SERPINA12: variants seen among roughly 807,000 people sequenced by gnomAD.
SERPINA12 encodes serpin family A member 12, also known as serpin A12.
SERPINA12 carries 21 observed loss-of-function variants against 25.9 expected under a neutral mutation model. The ratio of observed to expected loss-of-function variants is 0.81; its 90% CI spans 0.58 to 1.17. The LOEUF (loss-of-function observed/expected upper bound fraction) is 1.17. SERPINA12 is among the 50% of genes most tolerant of loss of function. The probability of loss-of-function intolerance (pLI) is 0.00; values close to 1 mark genes in which losing one functional copy is unlikely to be tolerated. For missense variants in SERPINA12, 562 were observed against 508.3 expected (o/e 1.11, Z -1.02); for synonymous variants, 220 against 196.0 (o/e 1.12, Z -1.02).
At chr14:94,489,579 C>T (rs755708931) in intron 4 of SERPINA12, 41 bp downstream of exon 4, 2 of 1,603,992 alleles carry the variant, frequency 1.2e-6, no homozygotes, top group East Asian at 2.2e-5. Flanking sequence ...GGGGAAGGCC[C>T]CTGTGCTGCA....
chr14:94,492,005 C>A (rs1360179196), intron 3 of SERPINA12, among the ~76,000 whole-genome samples: 2 of 152,120 alleles, frequency 1.3e-5, no homozygotes, highest in Non-Finnish European at 2.9e-5. Flanking sequence ...ACACTCACCT[C>A]TGAGACCTGG....
chr14:94,502,590 C>G (rs1284024147), intron 1 of SERPINA12, among the ~76,000 whole-genome samples: 1 of 152,210 alleles, frequency 6.6e-6, no homozygotes, highest in African/African-American at 2.4e-5. Flanking sequence ...TTTGGAACCA[C>G]AGTTTTCTTT....
rs531564069 is a variant in SERPINA12, at chr14:94,501,889, C to G, written c.-33-3459G>C. ...GGGCTTTAAACTGACCCAAATTTGT[C>G]AGTTGGGTTAGATGCCTGAGTAGGC... On this transcript the variant is annotated intron_variant, in intron 1 of 4. Transcript: ENST00000677451. 2.6e-5 allele frequency among the ~76,000 whole-genome samples: 4 copies of G among 152,228 alleles called. No homozygotes were observed. The South Asian group carries it at 8.3e-4, about 32-fold the overall frequency.
Position 94,497,932 on chromosome 14 carries a change from T to C in SERPINA12, c.466A>G (p.Asn156Asp). ...AGGATGGTTTCGGCACTGTAAAAGT[T>C]CTTGGCATCTTCCAAAAACTTACGC... is the stretch of plus-strand genomic sequence containing the variant. ...PQRKFLEDAK[N>D]FYSAETILTN... is the part of the protein sequence containing the mutation. Residue 156 changes from asparagine (N) to aspartate (D), a missense_variant, in exon 2 of 5, where the codon AAC becomes GAC. Coordinates refer to ENST00000677451, the MANE Select transcript of SERPINA12 (RefSeq NM_001382267.1). The C allele has an allele frequency of 6.2e-7, 1 of 1,614,232 alleles. No individual in the cohort carries two copies. Among genetic ancestry groups the C allele is most frequent in the Non-Finnish European group, 8.5e-7 (1 of 1,180,042 alleles).
chr14:94,496,390 T>G lies in SERPINA12; in HGVS notation c.888A>C (p.Lys296Asn). Residue 296 changes from lysine to asparagine, a missense_variant, in exon 3 of 5, where the codon AAA becomes AAC. Lys to Asn is a moderately conservative substitution (Grantham distance 94). Transcript: ENST00000677451. ...CACTTTACCTGCGTGACAGTAATGT[T>G]TTCCATCTGGAGAAAGTGTCCACCT... Reference protein sequence around the residue: ...GLQVDTFSRWKTLLSRRVVDV... With the variant: ...GLQVDTFSRWNTLLSRRVVDV... 1 of 1,614,174 alleles carries G rather than the reference T, an allele frequency of 6.2e-7. No individual in the cohort carries two copies. Among genetic ancestry groups the G allele is most frequent in the South Asian group, 1.1e-5 (1 of 91,082 alleles).
At chr14:94,499,455 A>G (rs1346439020) in intron 1 of SERPINA12, among the ~76,000 whole-genome samples, 1 of 152,218 alleles carries the variant, frequency 6.6e-6, no homozygotes, top group African/African-American at 2.4e-5. Context: ...GTTGGCCTAA[A>G]AAGCTTATTG....
intron 3 of SERPINA12, among the ~76,000 whole-genome samples, chr14:94,493,250 T>C (rs1900252396): frequency 6.6e-6 from 1 of 152,210 alleles, no homozygotes; most frequent in Admixed American, 6.5e-5. Context: ...TGTTTGTTCC[T>C]ATCATGTTCT....
At chr14:94,495,147 C>A (rs1318885774) in intron 3 of SERPINA12, among the ~76,000 whole-genome samples, 2 of 142,020 alleles carry the variant, frequency 1.4e-5, no homozygotes, top group Admixed American at 7.3e-5. Flanking sequence ...CGGCTCACTG[C>A]AAGCTCCGCC....
intron 1 of SERPINA12, among the ~76,000 whole-genome samples, chr14:94,502,024 A>ATG (rs10626991): frequency 0.24 from 34,395 of 144,576 alleles, 3,941 homozygotes; most frequent in Middle Eastern, 0.32. Flanking sequence ...TTAGTTTGGA[A>ATG]TGTGTGTGTG....
intron 2 of SERPINA12, among the ~76,000 whole-genome samples, chr14:94,515,266 G>T (rs1188825712): frequency 6.6e-6 from 1 of 152,162 alleles, no homozygotes; most frequent in African/African-American, 2.4e-5. Context: ...TGCTTGGTGA[G>T]AATTTAAGAG....
chr14:94,502,253 A>G (rs1900761869), intron 1 of SERPINA12, among the ~76,000 whole-genome samples: 1 of 152,086 alleles, frequency 6.6e-6, no homozygotes, highest in South Asian at 2.1e-4. Context: ...TCCTCCTCTT[A>G]TGACTAGATA....
At chr14:94,515,496 C>T (rs1187906451) in intron 2 of SERPINA12, among the ~76,000 whole-genome samples, 1 of 152,168 alleles carries the variant, frequency 6.6e-6, no homozygotes, top group Non-Finnish European at 1.5e-5. Context: ...GGGAGGCCTG[C>T]CCTACAGAGC....
intron 1 of SERPINA12, chr14:94,503,309 G>A (rs926581046): frequency 2.0e-6 from 2 of 985,186 alleles, no homozygotes; most frequent in African/African-American, 3.5e-5. Flanking sequence ...AAAGAGTGGA[G>A]AACATGTCCC....
At chr14:94,495,295 C>G (rs566891715) in intron 3 of SERPINA12, among the ~76,000 whole-genome samples, 1 of 151,978 alleles carries the variant, frequency 6.6e-6, no homozygotes, top group African/African-American at 2.4e-5. Context: ...GTCTCGATCT[C>G]CTGACCTCGT....
At position 94,496,488 on chromosome 14, in the gene SERPINA12, A is replaced by G. The variant is rs1306543841; in HGVS notation, c.790T>C (p.Tyr264His). The G allele has an allele frequency of 6.2e-7, 1 of 1,614,140 alleles. No individual in the cohort carries two copies. The highest frequency in any genetic ancestry group is 8.5e-7 in the Non-Finnish European group (1 of 1,180,020). ...AAGATGGCTGTGATATTTTTCTGGT[A>G]GGGTATTTCCAGGATGGTGCAAGAG... ...KLSCTILEIP[Y>H]QKNITAIFIL... The change falls in exon 3 of 5, where the codon TAC becomes CAC. Residue 264 changes from tyrosine (Y) to histidine (H), a missense_variant. By Grantham distance (83) the Tyr-to-His change is moderately conservative. Transcript: ENST00000677451.
chr14:94,504,436 A>G (rs902695192), intron 1 of SERPINA12, among the ~76,000 whole-genome samples: 1 of 152,240 alleles, frequency 6.6e-6, no homozygotes, highest in Non-Finnish European at 1.5e-5. Context: ...AGAATAGTCT[A>G]CAAGTAGATG....
rs1223925909 is a variant in SERPINA12, at chr14:94,498,025, G to T, written c.373C>A (p.Gln125Lys). 3.7e-6 allele frequency: 6 copies of T among 1,613,992 alleles called. No homozygotes were observed. Among genetic ancestry groups the T allele is most frequent in the Non-Finnish European group, 5.1e-6 (6 of 1,180,024 alleles). ...GFHYIIHELT[Q>K]KTQDLKLSIG... ...CTCAGTTTGAGGTCCTGGGTCTTCTGGGTCAGCTCGTGGATGATGTAATGG... is the reference window on the plus strand; with the variant it reads ...CTCAGTTTGAGGTCCTGGGTCTTCTTGGTCAGCTCGTGGATGATGTAATGG... The change falls in exon 2 of 5, where the codon CAG (glutamine) becomes AAG (lysine). Residue 125 changes from glutamine (Q) to lysine (K), a missense_variant. Physicochemically the swap from Gln to Lys is moderately conservative, Grantham distance 53. Coordinates refer to ENST00000677451, the MANE Select transcript of SERPINA12 (RefSeq NM_001382267.1).
intron 3 of SERPINA12, among the ~76,000 whole-genome samples, chr14:94,495,648 G>A (rs990792765): frequency 2.6e-5 from 4 of 152,184 alleles, no homozygotes; most frequent in Non-Finnish European, 5.9e-5. Context: ...ACAGAGAAGA[G>A]GACATCTGAC....
upstream of SERPINA12, among the ~76,000 whole-genome samples, chr14:94,510,898 A>G (rs1273568950): frequency 6.6e-6 from 1 of 152,188 alleles, no homozygotes; most frequent in Non-Finnish European, 1.5e-5. Context: ...AGCTGTGAGC[A>G]CAGGTATAAG....
Sources: gnomAD v4.1 joint callset for allele counts (sites outside exome capture counted in the v4.1 genomes callset) on GRCh38, gnomAD v4.1.1 for gene constraint, MANE v1.5 for transcripts, NCBI Gene and HGNC (gene_info 2026-07-23, HGNC 2026-07-21) for gene names.